HIF1A: variants seen among roughly 807,000 people sequenced by gnomAD.
HIF1A encodes the protein hypoxia inducible factor 1 subunit alpha.
Under a neutral mutation model 92.7 loss-of-function variants are expected in HIF1A, and 24 were observed. That is an observed-to-expected ratio of 0.26 (90% CI 0.19 to 0.36). HIF1A has a LOEUF of 0.36. Ranked by LOEUF, HIF1A falls within the 10% of genes least tolerant of loss-of-function variation. The pLI is 1.00. For synonymous variants in HIF1A, 319 were observed against 338.7 expected (o/e 0.94, Z 0.64); for missense variants, 799 against 998.5 (o/e 0.80, Z 2.69).
intron 1 of HIF1A, among the ~76,000 whole-genome samples, chr14:61,698,696 C>T (rs562678685): frequency 2.3e-4 from 35 of 151,952 alleles, no homozygotes; most frequent in Non-Finnish European, 5.0e-4. Context: ...CGTTTTTTTC[C>T]TGTTACAATG....
intron 1 of HIF1A, among the ~76,000 whole-genome samples, chr14:61,703,941 A>T (rs1256468813): frequency 1.3e-5 from 2 of 152,052 alleles, no homozygotes; most frequent in Non-Finnish European, 2.9e-5. Flanking sequence ...TATTTCTTCT[A>T]TGGGTTAGGG....
chr14:61,729,087 A>G (rs936892061), intron 6 of HIF1A, among the ~76,000 whole-genome samples: 3 of 152,194 alleles, frequency 2.0e-5, no homozygotes, highest in African/African-American at 7.2e-5. Context: ...AGATTCACTC[A>G]TGGCTTGCAG....
intron 14 of HIF1A, 135 bp downstream of exon 14, chr14:61,745,952 G>A (rs956526325): frequency 4.7e-5 from 36 of 759,618 alleles, no homozygotes; most frequent in East Asian, 4.2e-4. Context: ...GGCTGGGCGC[G>A]GTGGCTCACA....
chr14:61,720,501 C>T lies in HIF1A; in HGVS notation c.155C>T (p.Ser52Leu), dbSNP rs760184669. Residue 52 changes from serine to leucine, a missense_variant, in exon 2 of 15, where the codon TCG becomes TTG. This residue lies in a region of HIF1A where 516 missense variants were observed against 721.0 expected (regional missense o/e 0.72). Coordinates refer to ENST00000337138, the MANE Select transcript of HIF1A (RefSeq NM_001530.4). Reference sequence around the variant, plus strand: ...TTGCCACTTCCACATAATGTGAGTTCGCATCTTGATAAGGCCTCTGTGATG... The same window carrying T: ...TTGCCACTTCCACATAATGTGAGTTTGCATCTTGATAAGGCCTCTGTGATG... Reference protein sequence around the residue: ...HQLPLPHNVSSHLDKASVMRL... With the variant: ...HQLPLPHNVSLHLDKASVMRL... 1.5e-5 allele frequency: 25 copies of T among 1,613,090 alleles called. No homozygotes were observed. Among genetic ancestry groups the T allele is most frequent in the African/African-American group, 5.3e-5 (4 of 74,858 alleles).
chr14:61,744,435 A>C (rs1376058456), intron 12 of HIF1A, among the ~76,000 whole-genome samples: 1 of 151,420 alleles, frequency 6.6e-6, no homozygotes, highest in African/African-American at 2.4e-5. Flanking sequence ...ACTTGATTCC[A>C]GAGGCAGGGC....
At chr14:61,724,745 T>A (rs2044481891) in intron 4 of HIF1A, among the ~76,000 whole-genome samples, 1 of 152,228 alleles carries the variant, frequency 6.6e-6, no homozygotes, top group South Asian at 2.1e-4. Flanking sequence ...ATTCTACCTC[T>A]TCATTTGTCT....
chr14:61,729,536 G>T (rs1451333029), intron 6 of HIF1A, among the ~76,000 whole-genome samples: 1 of 151,592 alleles, frequency 6.6e-6, no homozygotes, highest in Non-Finnish European at 1.5e-5. Flanking sequence ...TGAGTGCCTA[G>T]TACAGATAGT....
chr14:61,717,263 G>T (rs144003233), intron 1 of HIF1A, among the ~76,000 whole-genome samples: 5 of 152,264 alleles, frequency 3.3e-5, no homozygotes, highest in African/African-American at 9.6e-5. Context: ...TAGACAAGAA[G>T]CCGGGCAGTT....
At chr14:61,741,783 T>A (rs2044715318) in intron 12 of HIF1A, among the ~76,000 whole-genome samples, 1 of 152,236 alleles carries the variant, frequency 6.6e-6, no homozygotes, top group Admixed American at 6.5e-5. Context: ...TTACAGAACT[T>A]GTTTAAAGTT....
chr14:61,744,867 G>A, intron 13 of HIF1A, 54 bp downstream of exon 13: 3 of 482,096 alleles, frequency 6.2e-6, no homozygotes, highest in South Asian at 3.0e-5. Flanking sequence ...TTTCGTGTGT[G>A]TGTGTGTGTG....
intron 12 of HIF1A, among the ~76,000 whole-genome samples, chr14:61,742,483 C>A (rs1006471706): frequency 6.6e-6 from 1 of 152,158 alleles, no homozygotes; most frequent in East Asian, 1.9e-4. Context: ...TTTACTGTGT[C>A]ACTTACTCAC....
chr14:61,742,002 G>A (rs2044717854), intron 12 of HIF1A, among the ~76,000 whole-genome samples: 1 of 152,032 alleles, frequency 6.6e-6, no homozygotes, highest in Admixed American at 6.6e-5. Flanking sequence ...TAGTTAACTT[G>A]TATTAAAGTT....
chr14:61,699,304 T>C (rs1049743981), intron 1 of HIF1A, among the ~76,000 whole-genome samples: 2 of 152,220 alleles, frequency 1.3e-5, no homozygotes, highest in Non-Finnish European at 2.9e-5. Context: ...TCAACTTTTC[T>C]ACCTGTTAAC....
intron 10 of HIF1A, among the ~76,000 whole-genome samples, chr14:61,739,905 T>C (rs949570046): frequency 6.6e-6 from 1 of 152,082 alleles, no homozygotes; most frequent in African/African-American, 2.4e-5. Flanking sequence ...TTAGGTACCA[T>C]TGTGGGATGT....
Position 61,738,305 on chromosome 14 carries a change from A to G in HIF1A, c.1468A>G (p.Thr490Ala). 6.2e-7 allele frequency: 1 copy of G among 1,614,184 alleles called. No homozygotes were observed. The highest frequency in any genetic ancestry group is 1.1e-5 in the South Asian group (1 of 91,082). Residue 490 changes from threonine (T) to alanine (A), a missense_variant, in exon 10 of 15, where the codon ACC becomes GCC. By Grantham distance (58) the Thr-to-Ala change is moderately conservative. Coordinates refer to ENST00000337138, the MANE Select transcript of HIF1A (RefSeq NM_001530.4). ...PNPESLELSF[T>A]MPQIQDQTPS... ...TCCAGAGTCACTGGAACTTTCTTTT[A>G]CCATGCCCCAGATTCAGGATCAGAC... is the stretch of plus-strand genomic sequence containing the variant.
At chr14:61,718,096 A>G (rs1012375472) in intron 1 of HIF1A, among the ~76,000 whole-genome samples, 4 of 151,936 alleles carry the variant, frequency 2.6e-5, no homozygotes, top group African/African-American at 9.7e-5. Flanking sequence ...TTGGGTAGTC[A>G]TTTATTGGTA....
At chr14:61,739,180 TATA>T (rs1204165760) in intron 10 of HIF1A, among the ~76,000 whole-genome samples, 2 of 152,210 alleles carry the variant, frequency 1.3e-5, no homozygotes, top group African/African-American at 2.4e-5. Context: ...TTTGGGTAAG[TATA>T]ATATGAAAAT....
chr14:61,734,658 C>T (rs148706729), intron 8 of HIF1A, among the ~76,000 whole-genome samples: 2 of 152,218 alleles, frequency 1.3e-5, no homozygotes, highest in African/African-American at 4.8e-5. Flanking sequence ...ATAGCTCTAC[C>T]ACTCATTAGC....
intron 1 of HIF1A, among the ~76,000 whole-genome samples, chr14:61,704,358 G>T (rs2044212126): frequency 1.3e-5 from 2 of 151,968 alleles, no homozygotes; most frequent in African/African-American, 2.4e-5. Context: ...TAAACATCTG[G>T]CCTTTGCAGA....
Sources: gnomAD v4.1 joint callset for allele counts (sites outside exome capture counted in the v4.1 genomes callset) on GRCh38, gnomAD v4.1.1 for gene constraint, gnomAD v4.1.1 regional missense constraint, MANE v1.5 for transcripts, NCBI Gene and HGNC (gene_info 2026-07-23, HGNC 2026-07-21) for gene names.